Variants in FOXP1 observed in about 807,000 individuals in gnomAD.
FOXP1 encodes forkhead box protein P1.
Under a neutral mutation model 98.2 loss-of-function variants are expected in FOXP1, and 15 were observed. That is an observed-to-expected ratio of 0.15 (90% CI 0.10 to 0.24). FOXP1 has a LOEUF of 0.24. FOXP1 is among the 10% of genes least tolerant of loss of function. The pLI is 1.00. For missense variants in FOXP1, 633 were observed against 848.5 expected (o/e 0.75, Z 3.15); for synonymous variants, 371 against 314.5 (o/e 1.18, Z -1.90).
chr3:71,113,804 C>T (rs2058142992), intron 6 of FOXP1, among the ~76,000 whole-genome samples: 1 of 143,972 alleles, frequency 6.9e-6, no homozygotes, highest in Non-Finnish European at 1.5e-5. Context: ...CAATAAACCG[C>T]CATGAAGACA....
chr3:71,368,288 G>C (rs2079059057), intron 3 of FOXP1, among the ~76,000 whole-genome samples: 1 of 151,992 alleles, frequency 6.6e-6, no homozygotes, highest in Non-Finnish European at 1.5e-5. Context: ...ACGACACCTG[G>C]CTAATTTTTG....
chr3:71,583,861 C>G (rs1038842197), upstream of FOXP1: 5 of 985,674 alleles, frequency 5.1e-6, no homozygotes, highest in South Asian at 4.5e-5. Context: ...GGGCGCACCC[C>G]GGCCCGACCC....
At chr3:71,193,232 C>G (rs2063102314) in intron 6 of FOXP1, among the ~76,000 whole-genome samples, 1 of 134,512 alleles carries the variant, frequency 7.4e-6, no homozygotes, top group Non-Finnish European at 1.5e-5. Flanking sequence ...ACTGCAAGCT[C>G]CGCCTCCCAG....
At chr3:71,265,171 C>T (rs1322284450) in intron 5 of FOXP1, among the ~76,000 whole-genome samples, 3 of 152,162 alleles carry the variant, frequency 2.0e-5, no homozygotes, top group Non-Finnish European at 4.4e-5. Flanking sequence ...TCTTTTCTCT[C>T]TCAAGAAATT....
chr3:71,478,629 C>A (rs920499705), intron 3 of FOXP1, among the ~76,000 whole-genome samples: 1 of 152,186 alleles, frequency 6.6e-6, no homozygotes, highest in Non-Finnish European at 1.5e-5. Flanking sequence ...GCCCTCCATG[C>A]GCCATGGGAG....
At chr3:71,135,044 G>A (rs1000753872) in intron 6 of FOXP1, among the ~76,000 whole-genome samples, 4 of 151,946 alleles carry the variant, frequency 2.6e-5, no homozygotes, top group Admixed American at 6.6e-5. Flanking sequence ...GGATCACGAG[G>A]TCAAAAGAGA....
chr3:71,138,266 G>A (rs947252169), intron 6 of FOXP1, among the ~76,000 whole-genome samples: 25 of 152,114 alleles, frequency 1.6e-4, no homozygotes, highest in African/African-American at 5.6e-4. Context: ...TAATGGGATC[G>A]GGAAATAAGA....
At chr3:71,023,356 C>T (rs1208391679) in intron 11 of FOXP1, among the ~76,000 whole-genome samples, 6 of 152,168 alleles carry the variant, frequency 3.9e-5, no homozygotes, top group African/African-American at 9.7e-5. Context: ...TTTGTCTGCA[C>T]GGTAAGAGAC....
At chr3:71,407,661 CGT>C (rs112188528) in intron 3 of FOXP1, among the ~76,000 whole-genome samples, 9 of 149,882 alleles carry the variant, frequency 6.0e-5, no homozygotes, top group African/African-American at 7.3e-5. Flanking sequence ...AAGAACTGTG[CGT>C]GTGTGTGTGT....
intron 6 of FOXP1, among the ~76,000 whole-genome samples, chr3:71,178,907 A>AC (rs2062111791): frequency 1.3e-5 from 2 of 151,370 alleles, no homozygotes; most frequent in African/African-American, 2.4e-5. Flanking sequence ...AAACAAACAA[A>AC]AAAAAAACAA....
chr3:70,964,618 C>T, intron 20 of FOXP1, among the ~76,000 whole-genome samples: 1 of 152,208 alleles, frequency 6.6e-6, no homozygotes, highest in Middle Eastern at 3.4e-3. Context: ...AATGTGGTAA[C>T]AGGAAAATCG....
At position 71,581,041 on chromosome 3, in the gene FOXP1, A is replaced by C. The variant is rs2048121385; in HGVS notation, c.-298+508T>G. ...TTATATTAATTTCATTATTCTGCCC[A>C]AGCCTCACAGATGAGGGCTTGTGGG... On this transcript the variant is annotated intron_variant, in intron 2 of 20. Transcript: ENST00000649528. 5.1e-6 allele frequency: 5 copies of C among 979,332 alleles called. No homozygotes were observed. In the South Asian group the frequency reaches 1.4e-4, roughly 28 times the overall value. 60.7% of individuals were successfully genotyped at this position (979,332 alleles called of 1,614,324 possible). A position where few individuals can be genotyped will look rare whatever the true frequency, so the allele number is the denominator to read the frequency against.
intron 5 of FOXP1, among the ~76,000 whole-genome samples, chr3:71,249,889 TGCCTCTAACTGGGG>T (rs2068047534): frequency 6.6e-6 from 1 of 152,212 alleles, no homozygotes; most frequent in South Asian, 2.1e-4. Flanking sequence ...GATCCTCCCT[TGCCTCTAACTGGGG>T]GCCATGGGAC....
rs1026686470 is a variant in FOXP1, at chr3:70,955,405, G to C, written c.*3842C>G. ...ATATTCCATTTTGTGGCTGGTCCAA[G>C]GGGCAGCCTAACTCATCTTACAAGA... On this transcript the variant is annotated 3_prime_UTR_variant, in exon 21 of 21. Coordinates refer to ENST00000649528, the MANE Select transcript of FOXP1 (RefSeq NM_001349338.3). The C allele has an allele frequency of 4.3e-6, 1 of 232,850 alleles. No individual in the cohort carries two copies. 14.4% of individuals were successfully genotyped at this position (232,850 alleles called of 1,614,324 possible). A position where few individuals can be genotyped will look rare whatever the true frequency, so the allele number is the denominator to read the frequency against.
At chr3:71,375,601 TCC>T (rs1480651822) in intron 3 of FOXP1, among the ~76,000 whole-genome samples, 1 of 152,126 alleles carries the variant, frequency 6.6e-6, no homozygotes, top group Non-Finnish European at 1.5e-5. Context: ...CTTGGATGTA[TCC>T]CCAAGTAAAG....
intron 11 of FOXP1, among the ~76,000 whole-genome samples, chr3:71,037,504 C>T (rs748065620): frequency 1.1e-4 from 16 of 152,064 alleles, no homozygotes; most frequent in Admixed American, 7.9e-4. Context: ...CCTAAGAAGT[C>T]GAGACTCTCT....
intron 5 of FOXP1, among the ~76,000 whole-genome samples, chr3:71,253,815 GTAAT>G (rs890330982): frequency 9.9e-5 from 15 of 152,152 alleles, no homozygotes; most frequent in Admixed American, 2.6e-4. Context: ...CGTTAAAAAT[GTAAT>G]TAATTAAATA....
At chr3:71,320,026 C>T (rs906325926) in intron 4 of FOXP1, among the ~76,000 whole-genome samples, 2 of 152,168 alleles carry the variant, frequency 1.3e-5, no homozygotes, top group African/African-American at 2.4e-5. Context: ...CTGCAATTCC[C>T]TTGTGAAGGC....
At position 70,985,382 on chromosome 3, in the gene FOXP1, C is replaced by CT. The variant is rs5849973; in HGVS notation, c.1146+2611dup. Among the ~76,000 whole-genome samples the CT allele has an allele frequency of 4.7e-4, 70 of 149,192 alleles. 1 individual carries two copies. In the East Asian group the frequency reaches 4.9e-3, roughly 10 times the overall value. Reference sequence around the variant, plus strand: ...CAAGGGTTTGCTGTATGTGTGTGCCCTTTTTTTTTTCTTTTTGGCAAAGAA... The same window carrying CT: ...CAAGGGTTTGCTGTATGTGTGTGCCCTTTTTTTTTTTCTTTTTGGCAAAGAA... On this transcript the variant is annotated intron_variant, in intron 14 of 20. Coordinates refer to ENST00000649528, the MANE Select transcript of FOXP1 (RefSeq NM_001349338.3).
Sources: gnomAD v4.1 joint callset for allele counts (sites outside exome capture counted in the v4.1 genomes callset) on GRCh38, gnomAD v4.1.1 for gene constraint, MANE v1.5 for transcripts, NCBI Gene and HGNC (gene_info 2026-07-23, HGNC 2026-07-21) for gene names.